Variants in NCKAP5 observed in about 807,000 individuals in gnomAD.
NCKAP5 encodes NCK associated protein 5.
NCKAP5 carries 92 observed loss-of-function variants against 167.0 expected under a neutral mutation model. The ratio of observed to expected loss-of-function variants is 0.55; its 90% CI spans 0.47 to 0.66. The LOEUF is 0.66. NCKAP5 is among the 30% of genes least tolerant of loss of function. The pLI is 0.00. For missense variants in NCKAP5, 2,378 were observed against 2,315.0 expected (o/e 1.03, Z -0.56); for synonymous variants, 891 against 877.4 (o/e 1.02, Z -0.27).
At chr2:133,556,361 C>T (rs4954065) in intron 2 of NCKAP5, among the ~76,000 whole-genome samples, 130,356 of 152,264 alleles carry the variant, frequency 0.86, 56,222 homozygotes, top group East Asian at 1. Context: ...TGTTCACGAT[C>T]CTAGCCACCT....
At chr2:133,277,522 A>G (rs1453629137) in intron 4 of NCKAP5, among the ~76,000 whole-genome samples, 1 of 152,178 alleles carries the variant, frequency 6.6e-6, no homozygotes, top group Non-Finnish European at 1.5e-5. Context: ...GATGTGAAGT[A>G]ATAGAGACAT....
intron 19 of NCKAP5, among the ~76,000 whole-genome samples, chr2:132,682,446 T>C (rs1177332425): frequency 6.6e-6 from 1 of 152,210 alleles, no homozygotes; most frequent in Non-Finnish European, 1.5e-5. Context: ...GTACCTACAA[T>C]GTACCAGAAA....
chr2:133,570,213 G>C (rs1265443665), upstream of NCKAP5, among the ~76,000 whole-genome samples: 5 of 152,010 alleles, frequency 3.3e-5, no homozygotes, highest in Admixed American at 3.3e-4. Flanking sequence ...GATTAACAGT[G>C]GTTACCCTCG....
chr2:132,741,901 C>T (rs756695668), intron 16 of NCKAP5, among the ~76,000 whole-genome samples: 24 of 152,190 alleles, frequency 1.6e-4, no homozygotes, highest in African/African-American at 5.5e-4. Flanking sequence ...CTCCTTTTAA[C>T]CCACTTCTGG....
chr2:132,845,243 C>T (rs1688576325), intron 11 of NCKAP5, among the ~76,000 whole-genome samples: 1 of 152,106 alleles, frequency 6.6e-6, no homozygotes, highest in Admixed American at 6.5e-5. Context: ...TTCTCCTAGT[C>T]TATTGCCTAT....
At chr2:133,012,814 C>G (rs2078208198) in intron 6 of NCKAP5, among the ~76,000 whole-genome samples, 1 of 152,098 alleles carries the variant, frequency 6.6e-6, no homozygotes, top group Admixed American at 6.5e-5. Flanking sequence ...TGCCCCCTTT[C>G]CTTCAGATTT....
intron 3 of NCKAP5, among the ~76,000 whole-genome samples, chr2:133,434,103 CA>C (rs900648951): frequency 2.7e-5 from 4 of 150,508 alleles, no homozygotes; most frequent in Middle Eastern, 3.2e-3. Context: ...TACTTGGAAT[CA>C]AAAAAAAATT....
At chr2:133,635,860 G>A in the NCKAP5 span, among the ~76,000 whole-genome samples, 6 of 152,340 alleles carry the variant, frequency 3.9e-5, no homozygotes, top group South Asian at 1.2e-3. Context: ...TGAGCTGCCA[G>A]CTAGAGGAAG....
At chr2:133,427,312 A>T (rs1201976511) in intron 3 of NCKAP5, among the ~76,000 whole-genome samples, 1 of 152,228 alleles carries the variant, frequency 6.6e-6, no homozygotes, top group African/African-American at 2.4e-5. Context: ...GGTATTTTTT[A>T]AGCAAAACAT....
At chr2:133,568,868 TA>T (rs1237494006), upstream of NCKAP5, among the ~76,000 whole-genome samples, 1 of 152,186 alleles carries the variant, frequency 6.6e-6, no homozygotes, top group East Asian at 1.9e-4. Context: ...TAATTACTTT[TA>T]CTGTGATATA....
intron 6 of NCKAP5, among the ~76,000 whole-genome samples, chr2:133,103,569 G>A (rs2081586857): frequency 1.3e-5 from 2 of 152,132 alleles, no homozygotes; most frequent in Admixed American, 1.3e-4. Flanking sequence ...CACAGTGAGA[G>A]AACCACTTGA....
At chr2:133,006,093 C>T (rs2077956923) in intron 6 of NCKAP5, among the ~76,000 whole-genome samples, 1 of 151,320 alleles carries the variant, frequency 6.6e-6, no homozygotes, top group South Asian at 2.1e-4. Context: ...TCTGTCTCTA[C>T]AAAAAATAAA....
intron 2 of NCKAP5, among the ~76,000 whole-genome samples, chr2:133,526,044 A>C (rs1684842691): frequency 1.3e-5 from 2 of 152,114 alleles, no homozygotes; most frequent in African/African-American, 4.8e-5. Context: ...CACTCAAAAG[A>C]GTTCCATTCA....
intron 3 of NCKAP5, among the ~76,000 whole-genome samples, chr2:133,458,532 T>A (rs1202246424): frequency 6.6e-6 from 1 of 152,168 alleles, no homozygotes; most frequent in Non-Finnish European, 1.5e-5. Context: ...CATTATTTCC[T>A]ATCCCCACAA....
intron 7 of NCKAP5, among the ~76,000 whole-genome samples, chr2:132,977,802 G>A (rs957996157): frequency 2.0e-5 from 3 of 151,626 alleles, no homozygotes; most frequent in Admixed American, 2.0e-4. Flanking sequence ...AGTGCATAGG[G>A]TAGGGCTGAA....
intron 5 of NCKAP5, among the ~76,000 whole-genome samples, chr2:133,209,311 GA>G (rs1230406716): frequency 6.6e-6 from 1 of 150,578 alleles, no homozygotes; most frequent in Non-Finnish European, 1.5e-5. Flanking sequence ...CAGTAAGTAT[GA>G]AAAACGGTGG....
chr2:133,295,920 T>G (rs1679928003), intron 4 of NCKAP5, among the ~76,000 whole-genome samples: 1 of 152,172 alleles, frequency 6.6e-6, no homozygotes, highest in Non-Finnish European at 1.5e-5. Context: ...ACCTTAAGGT[T>G]TTTGATAAAA....
At chr2:133,658,230 G>A in the NCKAP5 span, among the ~76,000 whole-genome samples, 1 of 152,118 alleles carries the variant, frequency 6.6e-6, no homozygotes. Flanking sequence ...TCACATGTGA[G>A]TAATGCAGGG....
chr2:133,097,082 C>T (rs2081366631), intron 6 of NCKAP5, among the ~76,000 whole-genome samples: 1 of 152,156 alleles, frequency 6.6e-6, no homozygotes, highest in South Asian at 2.1e-4. Flanking sequence ...CCATGCCTAG[C>T]TAAGTTTGAA....
Sources: gnomAD v4.1 joint callset for allele counts (sites outside exome capture counted in the v4.1 genomes callset) on GRCh38, gnomAD v4.1.1 for gene constraint, MANE v1.5 for transcripts, NCBI Gene and HGNC (gene_info 2026-07-23, HGNC 2026-07-21) for gene names.